The following RILPL2 variants were observed in gnomAD, a reference collection of about 807,000 sequenced individuals.
RILPL2 encodes the protein RILP-like protein 2.
RILPL2 carries 19 observed loss-of-function variants against 22.2 expected under a neutral mutation model. That is an observed-to-expected ratio of 0.86 (90% CI 0.60 to 1.25). RILPL2 has a LOEUF of 1.25. RILPL2 is among the 50% of genes most tolerant of loss of function. The probability of loss-of-function intolerance (pLI) is 0.00; values close to 1 mark genes in which losing one functional copy is unlikely to be tolerated. For synonymous variants in RILPL2, 123 were observed against 111.6 expected (o/e 1.10, Z -0.64); for missense variants, 243 against 263.6 (o/e 0.92, Z 0.54).
chr12:123,431,849 T>C (rs950589717), intron 1 of RILPL2, among the ~76,000 whole-genome samples: 14 of 151,574 alleles, frequency 9.2e-5, no homozygotes, highest in African/African-American at 3.4e-4. Flanking sequence ...AAATTTAAGA[T>C]GGTAAATTTT....
intron 2 of RILPL2, among the ~76,000 whole-genome samples, chr12:123,425,654 C>CT (rs531039648): frequency 0.34 from 48,493 of 141,568 alleles, 8,479 homozygotes; most frequent in South Asian, 0.51. Flanking sequence ...TTAATATCTA[C>CT]TTTTTTTTTT....
At chr12:123,420,942 C>G (rs1444310211) in intron 3 of RILPL2, among the ~76,000 whole-genome samples, 1 of 152,096 alleles carries the variant, frequency 6.6e-6, no homozygotes, top group Non-Finnish European at 1.5e-5. Flanking sequence ...CTCTCTGACT[C>G]TCAGTTTGCC....
At chr12:123,427,627 C>A (rs141274583) in intron 2 of RILPL2, among the ~76,000 whole-genome samples, 2 of 151,808 alleles carry the variant, frequency 1.3e-5, no homozygotes, top group Non-Finnish European at 2.9e-5. Flanking sequence ...CTGCAACCTG[C>A]GCCTCCTGGG....
chr12:123,430,342 G>A (rs977820114), intron 2 of RILPL2, among the ~76,000 whole-genome samples, 166 bp downstream of exon 2: 17 of 152,062 alleles, frequency 1.1e-4, no homozygotes, highest in Non-Finnish European at 1.6e-4. Context: ...CCGGGAGGCA[G>A]AGGTTGCAGT....
At chr12:123,421,736 C>G (rs1287109059) in intron 3 of RILPL2, among the ~76,000 whole-genome samples, 1 of 145,928 alleles carries the variant, frequency 6.9e-6, no homozygotes, top group South Asian at 2.2e-4. Context: ...GGCACAATCT[C>G]GGCTCACTGC....
chr12:123,410,478 T>C (rs1273986426), downstream of RILPL2, among the ~76,000 whole-genome samples: 1 of 152,180 alleles, frequency 6.6e-6, no homozygotes, highest in African/African-American at 2.4e-5. Context: ...TTGTCTCAAA[T>C]AGGGATAATC....
At chr12:123,414,588 C>A (rs1407196044), downstream of RILPL2, 1 of 152,764 alleles carries the variant, frequency 6.5e-6, no homozygotes, top group Non-Finnish European at 1.5e-5. Context: ...CTGAAGGGCT[C>A]CTCAAGTGCC....
rs771575085 is a variant in RILPL2 at position 123,436,193 on chromosome 12, C to T, written c.228G>A (p.Glu76=). ...CCAGGCTGCCCTCATTCACCAGCGC[C>T]TCCAGCATCTCCAGGACGCGGACGA... The part of the protein sequence containing the change: ...FKVVRVLEML[E]ALVNEGSLAL... The change falls in exon 1 of 4, where the codon GAG becomes GAA. Residue 76 remains glutamate, a synonymous_variant. Coordinates refer to ENST00000280571, the MANE Select transcript of RILPL2 (RefSeq NM_145058.3). The surrounding 1 kb of genome is among the most constrained non-coding windows in gnomAD (Gnocchi z 6.7). 6.8e-6 allele frequency: 11 copies of T among 1,611,778 alleles called. No individual in the cohort carries two copies. The African/African-American group carries it at 1.3e-4, about 20-fold the overall frequency.
rs185964464 is a variant in RILPL2 at position 123,415,141 on chromosome 12, T to C, written c.*750A>G. On this transcript the variant is annotated 3_prime_UTR_variant, in exon 4 of 4. Coordinates refer to ENST00000280571, the MANE Select transcript of RILPL2 (RefSeq NM_145058.3). ...GTGCAGACACCCGCTCTCTGTTTCA[T>C]TGATTCCTAAATGCATTTTGTTCAC... 36 of 152,310 alleles carry C rather than the reference T, an allele frequency of 2.4e-4. No individual in the cohort carries two copies. The highest frequency in any genetic ancestry group is 7.7e-4 in the African/African-American group (32 of 41,554). The allele number at this position is 152,310 out of a possible 1,614,324, so 9.4% of individuals were successfully genotyped here. A position where few individuals can be genotyped will look rare whatever the true frequency, so the allele number is the denominator to read the frequency against.
At chr12:123,434,568 C>A (rs1879736179) in intron 1 of RILPL2, among the ~76,000 whole-genome samples, 1 of 151,760 alleles carries the variant, frequency 6.6e-6, no homozygotes, top group Non-Finnish European at 1.5e-5. Context: ...GGATTACAGG[C>A]ACCCGCCACC....
At chr12:123,413,202 C>CT (rs1879020797), downstream of RILPL2, 2 of 164,166 alleles carry the variant, frequency 1.2e-5, no homozygotes, top group South Asian at 2.8e-4. Flanking sequence ...TCCCCACCAC[C>CT]CCCCAAAAAA....
intron 3 of RILPL2, 46 bp downstream of exon 3, chr12:123,422,998 T>C (rs765759368): frequency 5.1e-6 from 7 of 1,363,328 alleles, no homozygotes; most frequent in Admixed American, 3.4e-5. Context: ...ACTACTTCCT[T>C]GAGTTATTAT....
chr12:123,418,562 A>C (rs1196375649), intron 3 of RILPL2, among the ~76,000 whole-genome samples: 2 of 152,140 alleles, frequency 1.3e-5, no homozygotes, highest in African/African-American at 4.8e-5. Flanking sequence ...CACCTACAAC[A>C]GTGCCTGGCA....
At chr12:123,431,598 C>T (rs185134609) in intron 1 of RILPL2, among the ~76,000 whole-genome samples, 963 of 151,856 alleles carry the variant, frequency 6.3e-3, no homozygotes, top group Non-Finnish European at 0.011. Flanking sequence ...CCGAGGCGGG[C>T]GGATCACCAG....
At chr12:123,435,999 A>T in intron 1 of RILPL2, 83 bp downstream of exon 1, 1 of 1,471,082 alleles carries the variant, frequency 6.8e-7, no homozygotes, top group Non-Finnish European at 9.0e-7. Context: ...AGAGAAAAGA[A>T]AAGGAAGGCG....
At chr12:123,431,982 T>C (rs913502203) in intron 1 of RILPL2, among the ~76,000 whole-genome samples, 1 of 151,542 alleles carries the variant, frequency 6.6e-6, no homozygotes, top group Non-Finnish European at 1.5e-5. Context: ...GCAACCTCTG[T>C]CTCCCAGGTT....
intron 2 of RILPL2, among the ~76,000 whole-genome samples, chr12:123,428,415 C>T (rs759964033): frequency 2.0e-5 from 3 of 152,286 alleles, no homozygotes; most frequent in Non-Finnish European, 2.9e-5. Context: ...GGATTACAGG[C>T]GTGAGCCACC....
intron 3 of RILPL2, among the ~76,000 whole-genome samples, chr12:123,421,315 G>A (rs1879276337): frequency 6.6e-6 from 1 of 152,090 alleles, no homozygotes; most frequent in African/African-American, 2.4e-5. Flanking sequence ...GGGATTACAG[G>A]TGTAAGCCAC....
At chr12:123,416,634 C>T (rs896319365) in intron 3 of RILPL2, among the ~76,000 whole-genome samples, 3 of 152,090 alleles carry the variant, frequency 2.0e-5, no homozygotes, top group East Asian at 1.9e-4. Flanking sequence ...ATTGAGACTC[C>T]GTCTCAAAAA....
Sources: allele counts gnomAD v4.1 joint callset (sites outside exome capture counted in the v4.1 genomes callset), GRCh38; gene constraint gnomAD v4.1.1; non-coding constraint Gnocchi (gnomAD v3.1); transcripts MANE v1.5; gene names NCBI Gene and HGNC (gene_info 2026-07-23, HGNC 2026-07-21).